Variants in FMNL2 observed in about 807,000 individuals in gnomAD.
The protein encoded by FMNL2 is formin like 2.
In FMNL2, 51 loss-of-function variants were observed where a neutral mutation model predicts 130.2. The observed-to-expected ratio is 0.39, with a 90% CI of 0.31 to 0.49. FMNL2 has a LOEUF of 0.49. Ranked by LOEUF, FMNL2 falls within the 20% of genes least tolerant of loss-of-function variation. The pLI is 0.85. For missense variants in FMNL2, 977 were observed against 1,316.2 expected (o/e 0.74, Z 3.99); for synonymous variants, 465 against 467.1 (o/e 1.00, Z 0.06).
intron 9 of FMNL2, among the ~76,000 whole-genome samples, chr2:152,600,369 ATT>A (rs1259370039): frequency 2.0e-5 from 3 of 152,194 alleles, no homozygotes; most frequent in Non-Finnish European, 4.4e-5. Flanking sequence ...CCAGAAGCAT[ATT>A]TTATAGCCAT....
At position 152,439,053 on chromosome 2, in the gene FMNL2, T is replaced by C. The variant is rs1315771318; in HGVS notation, c.118-82890T>C. 4.0e-5 allele frequency among the ~76,000 whole-genome samples: 6 copies of C among 150,020 alleles called. No individual in the cohort carries two copies. In the East Asian group the frequency reaches 1.2e-3, roughly 29 times the overall value. On this transcript the variant is annotated intron_variant, in intron 1 of 25. Transcript: ENST00000288670. ...AAGGCATTCAGATTCTTGGCTGGCC[T>C]GTGAAGTGGAAGGAATTCAGTTTAA...
At chr2:152,479,796 C>A (rs1320779009) in intron 1 of FMNL2, among the ~76,000 whole-genome samples, 1 of 150,336 alleles carries the variant, frequency 6.7e-6, no homozygotes, top group East Asian at 2.0e-4. Context: ...CTGCAACCTC[C>A]GCCTCCAGGG....
intron 1 of FMNL2, among the ~76,000 whole-genome samples, chr2:152,349,556 T>G (rs1323960557): frequency 6.6e-6 from 1 of 152,240 alleles, no homozygotes; most frequent in Admixed American, 6.5e-5. Context: ...ATACCCTCTG[T>G]ACTAAACTCA....
intron 3 of FMNL2, among the ~76,000 whole-genome samples, chr2:152,545,241 G>A (rs555501783): frequency 3.2e-4 from 48 of 152,132 alleles, no homozygotes; most frequent in Non-Finnish European, 5.7e-4. Flanking sequence ...GTTAAAATGA[G>A]CTTAAAATTC....
intron 6 of FMNL2, among the ~76,000 whole-genome samples, chr2:152,571,893 G>A (rs1696188451): frequency 1.4e-5 from 1 of 73,240 alleles, no homozygotes; most frequent in Non-Finnish European, 3.4e-5. Context: ...GATTACTGCT[G>A]TGATTTTTTT....
At chr2:152,374,128 A>G (rs902435060) in intron 1 of FMNL2, among the ~76,000 whole-genome samples, 1 of 152,190 alleles carries the variant, frequency 6.6e-6, no homozygotes, top group Non-Finnish European at 1.5e-5. Context: ...TTATGTATGT[A>G]ATAATCATTA....
intron 6 of FMNL2, among the ~76,000 whole-genome samples, chr2:152,564,002 A>C (rs573684864): frequency 5.1e-4 from 77 of 152,176 alleles, no homozygotes; most frequent in Non-Finnish European, 8.7e-4. Context: ...ACTGCTCTCC[A>C]TGTTATAATA....
At chr2:152,593,145 C>G (rs1558991219) in intron 9 of FMNL2, among the ~76,000 whole-genome samples, 1 of 151,950 alleles carries the variant, frequency 6.6e-6, no homozygotes, top group Non-Finnish European at 1.5e-5. Context: ...AAATATCTGA[C>G]CAGGGTCCAT....
Position 152,648,568 on chromosome 2 carries a change from T to C in FMNL2, c.*663T>C, listed in dbSNP as rs1218124887. The C allele has an allele frequency of 6.6e-6, 1 of 152,662 alleles. No homozygotes were observed. The highest frequency in any genetic ancestry group is 1.5e-5 in the Non-Finnish European group (1 of 68,054). 9.5% of individuals were successfully genotyped at this position (152,662 alleles called of 1,614,324 possible). On this transcript the variant is annotated 3_prime_UTR_variant, in exon 26 of 26. Transcript: ENST00000288670. Reference sequence around the variant, plus strand: ...AGTGTATAAGACTTATTTGCAGTACTGTGTTCTTCAGCTAGAGGCAGCTTT... The same window carrying C: ...AGTGTATAAGACTTATTTGCAGTACCGTGTTCTTCAGCTAGAGGCAGCTTT...
chr2:152,394,631 T>A (rs1018687670), intron 1 of FMNL2, among the ~76,000 whole-genome samples: 4 of 151,976 alleles, frequency 2.6e-5, no homozygotes, highest in Non-Finnish European at 4.4e-5. Flanking sequence ...TTGACTTTTT[T>A]TTTTTTTAAT....
At chr2:152,611,403 G>A in intron 10 of FMNL2, 92 bp from the exon 11 acceptor site, 1 of 636,222 alleles carries the variant, frequency 1.6e-6, no homozygotes, top group Non-Finnish European at 2.8e-6. Flanking sequence ...ATCGGTAAGT[G>A]AGCCTTTTTT....
chr2:152,555,698 T>G (rs950932611), intron 4 of FMNL2, among the ~76,000 whole-genome samples: 6 of 152,238 alleles, frequency 3.9e-5, no homozygotes, highest in African/African-American at 1.2e-4. Context: ...AGAATTTGCC[T>G]AAATTCAGAT....
chr2:152,483,325 G>A (rs1297735202), intron 1 of FMNL2, among the ~76,000 whole-genome samples: 1 of 152,004 alleles, frequency 6.6e-6, no homozygotes, highest in Non-Finnish European at 1.5e-5. Context: ...AGTAGTAGGT[G>A]TTGGTTAAAA....
intron 1 of FMNL2, among the ~76,000 whole-genome samples, chr2:152,337,592 A>G (rs1681549736): frequency 6.6e-6 from 1 of 152,102 alleles, no homozygotes; most frequent in South Asian, 2.1e-4. Context: ...AATCTTTAGA[A>G]AAATAATGTC....
chr2:152,595,648 G>A (rs1432833430), intron 9 of FMNL2, among the ~76,000 whole-genome samples: 4 of 152,104 alleles, frequency 2.6e-5, no homozygotes, highest in Non-Finnish European at 1.5e-5. Context: ...GGTGTCAGGC[G>A]TCCCAGACAA....
In FMNL2 at chr2:152,458,406, T is replaced by C. The variant is rs1689069924; in HGVS notation, c.118-63537T>C. ...TGTGTTTACTCACTGTTGCCCTTCA[T>C]TCCCTGTTCTGTTGACTGCACATTT... On this transcript the variant is annotated intron_variant, in intron 1 of 25. Transcript: ENST00000288670. Among the ~76,000 whole-genome samples, 6 of 152,302 alleles carry C rather than the reference T, an allele frequency of 3.9e-5. No homozygotes were observed. The South Asian group carries it at 1.2e-3, about 32-fold the overall frequency.
chr2:152,552,666 G>A (rs1350236292), intron 4 of FMNL2, among the ~76,000 whole-genome samples: 2 of 152,132 alleles, frequency 1.3e-5, no homozygotes, highest in Non-Finnish European at 2.9e-5. Flanking sequence ...CTTACTCTTA[G>A]GAACTATAAT....
rs1158824586 is a variant in FMNL2 at position 152,647,942 on chromosome 2, G to A, written c.*37G>A. ...GCCTGCATGAATACAGGGTGTGCGT[G>A]AATGAAACTGCCCACATGAACTTTA... On this transcript the variant is annotated 3_prime_UTR_variant, in exon 26 of 26. Coordinates refer to ENST00000288670, the MANE Select transcript of FMNL2 (RefSeq NM_052905.4). 6.6e-7 allele frequency: 1 copy of A among 1,504,434 alleles called. No individual in the cohort carries two copies. Among genetic ancestry groups the A allele is most frequent in the Admixed American group, 1.9e-5 (1 of 53,692 alleles). 93.2% of individuals were successfully genotyped at this position (1,504,434 alleles called of 1,614,324 possible).
intron 1 of FMNL2, among the ~76,000 whole-genome samples, chr2:152,436,883 G>T (rs776243694): frequency 1.3e-5 from 2 of 152,174 alleles, no homozygotes; most frequent in Non-Finnish European, 2.9e-5. Context: ...TATGTTCCAA[G>T]AATCTAGATT....
Sources: gnomAD v4.1 joint callset for allele counts (sites outside exome capture counted in the v4.1 genomes callset) on GRCh38, gnomAD v4.1.1 for gene constraint, MANE v1.5 for transcripts, NCBI Gene and HGNC (gene_info 2026-07-23, HGNC 2026-07-21) for gene names.